The following ARMC9 variants were observed in gnomAD, a reference collection of about 807,000 sequenced individuals.
ARMC9 encodes the protein lisH domain-containing protein ARMC9.
In ARMC9, 94 loss-of-function variants were observed where a neutral mutation model predicts 107.0. The observed-to-expected ratio is 0.88, with a 90% CI of 0.74 to 1.04. The LOEUF is 1.04. Among genes scored for constraint, ARMC9 ranks in the 50% least tolerant of loss-of-function variants. ARMC9 has a pLI of 0.00. For synonymous variants in ARMC9, 380 were observed against 396.9 expected, an observed-to-expected ratio of 0.96 and a Z score of 0.51; for missense variants, 942 against 1,030.1, an observed-to-expected ratio of 0.91 and a Z score of 1.17.
chr2:231,273,434 A>G (rs1349545541), intron 14 of ARMC9, among the ~76,000 whole-genome samples: 3 of 152,100 alleles, frequency 2.0e-5, no homozygotes, highest in African/African-American at 7.2e-5. Context: ...TGGGAGCTGC[A>G]CACATGAATG....
intron 20 of ARMC9, among the ~76,000 whole-genome samples, chr2:231,337,135 T>C (rs1402034609): frequency 6.6e-6 from 1 of 151,822 alleles, no homozygotes; most frequent in East Asian, 1.9e-4. Context: ...TTCACATATG[T>C]CTCCACTTTG....
chr2:231,250,646 G>A (rs905264426), intron 9 of ARMC9, among the ~76,000 whole-genome samples: 16 of 152,174 alleles, frequency 1.1e-4, no homozygotes, highest in African/African-American at 3.9e-4. Context: ...TTGGAGGATG[G>A]GGGGTGAAGG....
At chr2:231,352,435 G>A (rs1461611444) in intron 21 of ARMC9, among the ~76,000 whole-genome samples, 1 of 152,002 alleles carries the variant, frequency 6.6e-6, no homozygotes, top group Non-Finnish European at 1.5e-5. Flanking sequence ...AAGTAGCTGG[G>A]ATTACAGGCG....
chr2:231,268,907 AT>A, intron 12 of ARMC9, among the ~76,000 whole-genome samples: 1 of 152,108 alleles, frequency 6.6e-6, no homozygotes, highest in Admixed American at 6.5e-5. Flanking sequence ...AAAAAAAAAA[AT>A]TCTTTTAAAT....
intron 9 of ARMC9, among the ~76,000 whole-genome samples, chr2:231,250,084 G>C (rs534843339): frequency 1.3e-5 from 2 of 152,314 alleles, no homozygotes; most frequent in Admixed American, 6.5e-5. Flanking sequence ...CCCCAGGCCT[G>C]CCAGGCCTTT....
At chr2:231,320,869 A>G (rs1293773507) in intron 19 of ARMC9, among the ~76,000 whole-genome samples, 2 of 152,210 alleles carry the variant, frequency 1.3e-5, no homozygotes, top group African/African-American at 4.8e-5. Context: ...GGGGCCAAGC[A>G]TGGAAGCCTC....
At position 231,344,988 on chromosome 2, in the gene ARMC9, C is replaced by T. The variant is rs147080561; in HGVS notation, c.1892C>T (p.Thr631Met). 46 of 1,613,836 alleles carry T rather than the reference C, an allele frequency of 2.9e-5. No individual in the cohort carries two copies. The highest frequency in any genetic ancestry group is 1.7e-4 in the Middle Eastern group (1 of 6,054). Residue 631 changes from threonine (T) to methionine (M), a missense_variant, in exon 21 of 25, where the codon ACG becomes ATG. Transcript: ENST00000611582. ...TCCTTCCACCAGATCATGACCAACACGGGGAAGACAAGGCGGAAGGGGCTG... is the reference window on the plus strand; with the variant it reads ...TCCTTCCACCAGATCATGACCAACATGGGGAAGACAAGGCGGAAGGGGCTG... ...TTEYLGIMTN[T>M]GKTRRKGLAN...
intron 9 of ARMC9, among the ~76,000 whole-genome samples, chr2:231,240,657 A>G (rs936243455): frequency 1.5e-4 from 23 of 152,220 alleles, no homozygotes; most frequent in African/African-American, 5.1e-4. Flanking sequence ...ATATAACTAT[A>G]CAGTTACCAA....
At chr2:231,263,043 C>T (rs1386688505) in intron 12 of ARMC9, among the ~76,000 whole-genome samples, 1 of 152,166 alleles carries the variant, frequency 6.6e-6, no homozygotes, top group East Asian at 1.9e-4. Flanking sequence ...TGGTCTTTCT[C>T]TTCTGTCCTT....
At chr2:231,232,044 T>G (rs1341733272) in intron 7 of ARMC9, among the ~76,000 whole-genome samples, 1 of 136,522 alleles carries the variant, frequency 7.3e-6, no homozygotes, top group Non-Finnish European at 1.5e-5. Flanking sequence ...TTTTTTTTTT[T>G]GAGACGGAGT....
intron 19 of ARMC9, among the ~76,000 whole-genome samples, chr2:231,302,024 C>G (rs932029349): frequency 6.6e-6 from 1 of 151,934 alleles, no homozygotes; most frequent in Non-Finnish European, 1.5e-5. Context: ...GTTCCTGGGT[C>G]TCCTGTCCTG....
intron 3 of ARMC9, among the ~76,000 whole-genome samples, chr2:231,212,318 A>G (rs189724837): frequency 6.6e-6 from 1 of 152,320 alleles, no homozygotes; most frequent in East Asian, 1.9e-4. Flanking sequence ...TTTTAAGCTC[A>G]GGGACCATTT....
At chr2:231,245,278 G>A (rs2036652123) in intron 9 of ARMC9, among the ~76,000 whole-genome samples, 1 of 152,250 alleles carries the variant, frequency 6.6e-6, no homozygotes, top group South Asian at 2.1e-4. Context: ...TAAGAAGTAA[G>A]GGAGAAAGTT....
chr2:231,345,004 G>A lies in ARMC9; in HGVS notation c.1908G>A (p.Arg636=), dbSNP rs1032895575. The change falls in exon 21 of 25, where the codon CGG becomes CGA. Residue 636 remains arginine (R), a synonymous_variant. Transcript: ENST00000611582. ...TGACCAACACGGGGAAGACAAGGCG[G>A]AAGGGGCTGGCTAATGTGCAGTGGA... The part of the protein sequence containing the change: ...GIMTNTGKTR[R]KGLANVQWSG... The A allele has an allele frequency of 2.5e-6, 4 of 1,614,050 alleles. No individual in the cohort carries two copies. Among genetic ancestry groups the A allele is most frequent in the East Asian group, 2.2e-5 (1 of 44,886 alleles).
intron 12 of ARMC9, among the ~76,000 whole-genome samples, chr2:231,267,526 C>T (rs1422109256): frequency 1.3e-5 from 2 of 152,210 alleles, no homozygotes; most frequent in Non-Finnish European, 2.9e-5. Context: ...CCACTGCACC[C>T]GGCCCGGCAG....
chr2:231,361,115 C>T (rs1310213977), intron 23 of ARMC9, among the ~76,000 whole-genome samples: 3 of 152,230 alleles, frequency 2.0e-5, no homozygotes, highest in Non-Finnish European at 2.9e-5. Context: ...AAGGACACAG[C>T]ACTCAGAAGC....
chr2:231,229,590 T>TCTGCTCATACA (rs1304205778), intron 7 of ARMC9, among the ~76,000 whole-genome samples: 3 of 152,234 alleles, frequency 2.0e-5, no homozygotes, highest in African/African-American at 7.2e-5. Flanking sequence ...TTCAACCCTT[T>TCTGCTCATACA]CAGAATGAGC....
At position 231,222,727 on chromosome 2, in the gene ARMC9, G is replaced by T; in HGVS notation, c.505-1G>T. On this transcript the variant is annotated splice_acceptor_variant, in intron 5 of 24. Coordinates refer to ENST00000611582, the MANE Select transcript of ARMC9 (RefSeq NM_001352754.2). LOFTEE classifies it high-confidence loss of function. ...GTATTTTTGTTCCCTTTTTTCTTTA[G>T]GATTCCTGGACTCCAGAGTTAAAGT... 1 of 1,498,534 alleles carries T rather than the reference G, an allele frequency of 6.7e-7. No homozygotes were observed. The highest frequency in any genetic ancestry group is 1.2e-5 in the South Asian group (1 of 85,226). 92.8% of individuals were successfully genotyped at this position (1,498,534 alleles called of 1,614,324 possible). A position where few individuals can be genotyped will look rare whatever the true frequency, so the allele number is the denominator to read the frequency against.
intron 19 of ARMC9, among the ~76,000 whole-genome samples, chr2:231,326,500 G>T (rs931521550): frequency 6.6e-6 from 1 of 152,188 alleles, no homozygotes; most frequent in African/African-American, 2.4e-5. Context: ...TTATTCTGCT[G>T]GTTCAGGCCT....
Sources: allele counts gnomAD v4.1 joint callset (sites outside exome capture counted in the v4.1 genomes callset), GRCh38; gene constraint gnomAD v4.1.1; transcripts MANE v1.5; gene names NCBI Gene and HGNC (gene_info 2026-07-23, HGNC 2026-07-21).